Variants in POLQ observed in about 807,000 individuals in gnomAD.
The protein encoded by POLQ is epididymis secretory sperm binding protein.
POLQ carries 233 observed loss-of-function variants against 259.2 expected under a neutral mutation model. The observed-to-expected ratio is 0.90, with a 90% CI of 0.81 to 1.00. POLQ has a LOEUF of 1.00. Among genes scored for constraint, POLQ ranks in the 50% least tolerant of loss-of-function variants. The pLI is 0.00. For missense variants in POLQ, 2,871 were observed against 3,051.6 expected, an observed-to-expected ratio of 0.94 and a Z score of 1.39; for synonymous variants, 1,025 against 1,048.8, an observed-to-expected ratio of 0.98 and a Z score of 0.44.
Position 121,545,727 on chromosome 3 carries a change from C to G in POLQ, c.151G>C (p.Ala51Pro). The change falls in exon 1 of 30, where the codon GCC becomes CCC. Residue 51 changes from alanine (A) to proline (P), a missense_variant. Physicochemically the swap from Ala to Pro is conservative, Grantham distance 27 (BLOSUM62 -1). Coordinates refer to ENST00000264233, the MANE Select transcript of POLQ (RefSeq NM_199420.4). Reference protein sequence around the residue: ...PPPGLGRCLKAAAAGECKPTV... With the variant: ...PPPGLGRCLKPAAAGECKPTV... ...GTTCCTGGAGCACCTGCAGCTGCGG[C>G]CTTCAGGCAGCGACCAAGGCCGGGC... 1.2e-5 allele frequency: 19 copies of G among 1,569,786 alleles called. No homozygotes were observed. Among genetic ancestry groups the G allele is most frequent in the Non-Finnish European group, 1.6e-5 (19 of 1,158,246 alleles).
At chr3:121,454,034 C>T (rs559216926) in intron 25 of POLQ, among the ~76,000 whole-genome samples, 16 of 152,274 alleles carry the variant, frequency 1.1e-4, no homozygotes, top group Admixed American at 5.9e-4. Context: ...GCGGATCTCT[C>T]GGCAGAAACT....
intron 7 of POLQ, among the ~76,000 whole-genome samples, chr3:121,527,943 C>A (rs529342340): frequency 3.3e-5 from 5 of 152,252 alleles, no homozygotes; most frequent in African/African-American, 1.2e-4. Flanking sequence ...ACTTACAACA[C>A]GTGAGCTTAC....
At chr3:121,454,045 C>A (rs2047707046) in intron 25 of POLQ, among the ~76,000 whole-genome samples, 2 of 152,192 alleles carry the variant, frequency 1.3e-5, no homozygotes, top group African/African-American at 4.8e-5. Flanking sequence ...GGCAGAAACT[C>A]TACAAGCCAG....
chr3:121,523,025 C>T (rs1560106398), intron 7 of POLQ, among the ~76,000 whole-genome samples: 1 of 152,080 alleles, frequency 6.6e-6, no homozygotes, highest in African/African-American at 2.4e-5. Context: ...AAGAGCTTAA[C>T]GTTTTTTTGA....
At chr3:121,514,060 G>A (rs1430102984) in intron 9 of POLQ, among the ~76,000 whole-genome samples, 2 of 143,934 alleles carry the variant, frequency 1.4e-5, no homozygotes, top group African/African-American at 5.2e-5. Flanking sequence ...CAGGCATGGT[G>A]GCTCATGCCT....
At chr3:121,519,013 T>C (rs2048318106) in intron 9 of POLQ, among the ~76,000 whole-genome samples, 1 of 152,090 alleles carries the variant, frequency 6.6e-6, no homozygotes, top group Non-Finnish European at 1.5e-5. Context: ...GGATTGCTGG[T>C]AAAAACAATC....
Position 121,488,541 on chromosome 3 carries a change from G to C in POLQ, c.4390C>G (p.Gln1464Glu), listed in dbSNP as rs777601751. 3.1e-6 allele frequency: 5 copies of C among 1,611,436 alleles called. No homozygotes were observed. The South Asian group carries it at 5.5e-5, about 18-fold the overall frequency. ...TVKPVILLIP[Q>E]KRTPTGVEGE... ...TCTACACCAGTGGGAGTTCTCTTTTGAGGAATCAGAAGTATAACTGGTTTC... is the reference window on the plus strand; with the variant it reads ...TCTACACCAGTGGGAGTTCTCTTTTCAGGAATCAGAAGTATAACTGGTTTC... The change falls in exon 16 of 30, where the codon CAA becomes GAA. Residue 1464 changes from glutamine to glutamate, a missense_variant. Gln to Glu is a conservative substitution (Grantham distance 29, BLOSUM62 2). Coordinates refer to ENST00000264233, the MANE Select transcript of POLQ (RefSeq NM_199420.4).
chr3:121,511,952 G>T lies in POLQ; in HGVS notation c.1546C>A (p.Arg516Ser). Reference sequence around the variant, plus strand: ...CCTTCTCGTCTTTGCAGACAGCTGCGAACAGGCTTTAGAGAACCCTGAAGG... The same window carrying T: ...CCTTCTCGTCTTTGCAGACAGCTGCTAACAGGCTTTAGAGAACCCTGAAGG... ...ALLQGSLKPV[R>S]SCLQRREGEE... The change falls in exon 10 of 30, where the codon CGC becomes AGC. Residue 516 changes from arginine (R) to serine (S), a missense_variant. By Grantham distance (110) the Arg-to-Ser change is moderately radical (BLOSUM62 -1). Transcript: ENST00000264233. 8.7e-6 allele frequency: 14 copies of T among 1,613,398 alleles called. No homozygotes were observed. The highest frequency in any genetic ancestry group is 1.2e-5 in the Non-Finnish European group (14 of 1,179,372).
intron 25 of POLQ, among the ~76,000 whole-genome samples, chr3:121,459,390 TTTG>T (rs2047772337): frequency 6.1e-5 from 9 of 147,230 alleles, no homozygotes; most frequent in African/African-American, 1.3e-4. Context: ...TTTTTTTTTT[TTTG>T]TTTTTCGAGA....
In POLQ at chr3:121,489,180, G is replaced by C; in HGVS notation, c.3751C>G (p.His1251Asp). 6.2e-7 allele frequency: 1 copy of C among 1,612,366 alleles called. No homozygotes were observed. Among genetic ancestry groups the C allele is most frequent in the South Asian group, 1.1e-5 (1 of 90,640 alleles). ...ATATCATCTCCTAATGCCTGAAAAT[G>C]ACTTGGTTTATTTTCCTCTGTATTA... is the stretch of plus-strand genomic sequence containing the variant. ...KLNTEENKPS[H>D]FQALGDDISR... The change falls in exon 16 of 30, where the codon CAT becomes GAT. Residue 1251 changes from histidine to aspartate, a missense_variant. Physicochemically the swap from His to Asp is moderately conservative, Grantham distance 81. Around this residue, in one of 3 missense-constraint regions of POLQ, gnomAD observed 2,080 missense variants for 2,126.0 expected, o/e 0.98. Coordinates refer to ENST00000264233, the MANE Select transcript of POLQ (RefSeq NM_199420.4).
intron 19 of POLQ, among the ~76,000 whole-genome samples, chr3:121,479,322 G>T (rs1211251027): frequency 6.7e-6 from 1 of 149,102 alleles, no homozygotes; most frequent in Non-Finnish European, 1.5e-5. Flanking sequence ...GACCAGCCTG[G>T]GCAACATAGC....
At chr3:121,468,479 T>C (rs2047856937) in intron 22 of POLQ, 48 bp from the exon 23 acceptor site, 4 of 1,406,714 alleles carry the variant, frequency 2.8e-6, no homozygotes, top group Middle Eastern at 1.8e-4. Flanking sequence ...AAAAATCTAG[T>C]ATTTGTCTTA....
In POLQ at chr3:121,542,880, C is replaced by T. The variant is rs568058756; in HGVS notation, c.344-1401G>A. 3.2e-3 allele frequency among the ~76,000 whole-genome samples: 479 copies of T among 151,748 alleles called. 3 individuals carry two copies. The highest frequency in any genetic ancestry group is 0.011 in the African/African-American group (448 of 41,348). ...CGCCTGTATGTAATTCCAGCTACTCCGGAGGCTGAGGCAGGAGAATCACTT... is the reference window on the plus strand; with the variant it reads ...CGCCTGTATGTAATTCCAGCTACTCTGGAGGCTGAGGCAGGAGAATCACTT... On this transcript the variant is annotated intron_variant, in intron 2 of 29. Coordinates refer to ENST00000264233, the MANE Select transcript of POLQ (RefSeq NM_199420.4).
At chr3:121,464,800 C>T (rs1184578244) in intron 24 of POLQ, among the ~76,000 whole-genome samples, 1 of 152,118 alleles carries the variant, frequency 6.6e-6, no homozygotes, top group African/African-American at 2.4e-5. Flanking sequence ...TGACTTGGAT[C>T]CCATCCCCAA....
Position 121,488,914 on chromosome 3 carries a change from A to G in POLQ, c.4017T>C (p.Asn1339=), listed in dbSNP as rs34240370. Residue 1339 remains asparagine, a synonymous_variant, in exon 16 of 30, where the codon AAT becomes AAC. Transcript: ENST00000264233. ...TGGTGTCCTTTGCTCCTAGTTTGGC[A>G]TTTTCAGTTGCCATCTGTTGTATTA... ...EKIIQQMATE[N]AKLGAKDTNL... 3.4e-3 allele frequency: 5,486 copies of G among 1,614,076 alleles called. 16 individuals are homozygous for G. The highest frequency in any genetic ancestry group is 0.014 in the Middle Eastern group (82 of 6,062).
intron 25 of POLQ, among the ~76,000 whole-genome samples, chr3:121,452,540 A>C (rs1254798303): frequency 6.8e-6 from 1 of 147,656 alleles, no homozygotes; most frequent in Non-Finnish European, 1.5e-5. Flanking sequence ...CTGAGATCTC[A>C]GCAAGGCTCA....
At chr3:121,479,514 G>A (rs1369678301) in intron 19 of POLQ, among the ~76,000 whole-genome samples, 1 of 152,134 alleles carries the variant, frequency 6.6e-6, no homozygotes, top group Non-Finnish European at 1.5e-5. Flanking sequence ...CCAGACTGGA[G>A]TGCAGTGGCA....
intron 7 of POLQ, among the ~76,000 whole-genome samples, chr3:121,526,366 A>T (rs1017235838): frequency 6.6e-6 from 1 of 152,220 alleles, no homozygotes; most frequent in African/African-American, 2.4e-5. Context: ...CTTGAGTATT[A>T]GCTGTTTTAT....
At chr3:121,510,449 C>T (rs1396118791) in intron 10 of POLQ, among the ~76,000 whole-genome samples, 6 of 151,836 alleles carry the variant, frequency 4.0e-5, no homozygotes, top group African/African-American at 1.5e-4. Flanking sequence ...TGGTGGCAGG[C>T]GCCTGTAGTC....
Sources: allele counts gnomAD v4.1 joint callset (sites outside exome capture counted in the v4.1 genomes callset), GRCh38; gene constraint gnomAD v4.1.1; regional missense constraint gnomAD v4.1.1; transcripts MANE v1.5; gene names NCBI Gene and HGNC (gene_info 2026-07-23, HGNC 2026-07-21).